Variants in LPXN observed in about 807,000 individuals in gnomAD.
LPXN encodes the protein leupaxin.
LPXN carries 28 observed loss-of-function variants against 45.6 expected under a neutral mutation model. The observed-to-expected ratio is 0.61, with a 90% confidence interval of 0.45 to 0.84. The LOEUF (loss-of-function observed/expected upper bound fraction) is 0.84, where lower values mean the gene tolerates loss of function less well. LPXN is among the 40% of genes least tolerant of loss of function. The pLI is 0.00. For missense variants in LPXN, 459 were observed against 475.0 expected, an observed-to-expected ratio of 0.97 and a Z score of 0.31; for synonymous variants, 166 against 169.9, an observed-to-expected ratio of 0.98 and a Z score of 0.18.
chr11:58,556,737 C>T (rs1359644164), intron 3 of LPXN, among the ~76,000 whole-genome samples: 1 of 151,638 alleles, frequency 6.6e-6, no homozygotes, highest in Non-Finnish European at 1.5e-5. Flanking sequence ...TTTGAAAATC[C>T]AATGCGAAAA....
Position 58,549,847 on chromosome 11 carries a change from G to A in LPXN, c.681C>T (p.Asn227=). 6.2e-7 allele frequency: 1 copy of A among 1,614,162 alleles called. No individual in the cohort carries two copies. The change falls in exon 7 of 9, where the codon AAC becomes AAT. Residue 227 remains asparagine (N), a synonymous_variant. Transcript: ENST00000395074. ...PILDKVLTAM[N]QTWHPEHFFC... is the part of the protein sequence containing the mutation. ...AGAAGTGCTCTGGGTGCCAGGTCTG[G>A]TTCATTGCTGTCAGCACTTTCTGGA...
intron 7 of LPXN, among the ~76,000 whole-genome samples, chr11:58,538,536 T>C (rs1853622724): frequency 6.6e-6 from 1 of 152,168 alleles, no homozygotes; most frequent in African/African-American, 2.4e-5. Context: ...ATGGTGAGCA[T>C]TTTTTCATGT....
At chr11:58,538,774 A>G (rs573941802) in intron 7 of LPXN, among the ~76,000 whole-genome samples, 1 of 149,662 alleles carries the variant, frequency 6.7e-6, no homozygotes, top group South Asian at 2.1e-4. Flanking sequence ...ATAATACAAT[A>G]TATATACACA....
chr11:58,529,859 C>T (rs974511437), intron 7 of LPXN, among the ~76,000 whole-genome samples: 1 of 152,096 alleles, frequency 6.6e-6, no homozygotes, highest in African/African-American at 2.4e-5. Flanking sequence ...TGAGACTGAT[C>T]GGACAGTGGG....
chr11:58,577,840 G>A (rs537863930), upstream of LPXN: 22 of 595,616 alleles, frequency 3.7e-5, 1 homozygote, highest in Non-Finnish European at 5.8e-5. Flanking sequence ...AACCGACGCC[G>A]GCTCCTTGGT....
chr11:58,545,256 AGCTACCTTAATGGT>A (rs1332803739), intron 7 of LPXN, among the ~76,000 whole-genome samples: 4 of 152,210 alleles, frequency 2.6e-5, no homozygotes, highest in Non-Finnish European at 4.4e-5. Context: ...AATGAGAACT[AGCTACCTTAATGGT>A]GCTTTCTGGT....
chr11:58,550,725 G>A (rs1328990437), intron 5 of LPXN, among the ~76,000 whole-genome samples: 1 of 152,162 alleles, frequency 6.6e-6, no homozygotes, highest in Non-Finnish European at 1.5e-5. Context: ...AGTAAAGGCA[G>A]TACAGAAAAA....
intron 1 of LPXN, among the ~76,000 whole-genome samples, 197 bp downstream of exon 1, chr11:58,575,563 A>G (rs1854859066): frequency 6.6e-6 from 1 of 152,238 alleles, no homozygotes; most frequent in African/African-American, 2.4e-5. Flanking sequence ...TTGCCACTGC[A>G]AACAGTGAAC....
At chr11:58,578,029 G>A, upstream of LPXN, 3 of 1,551,032 alleles carry the variant, frequency 1.9e-6, no homozygotes, top group Non-Finnish European at 2.6e-6. Flanking sequence ...CGGAAGACGA[G>A]ATCAATAATG....
At chr11:58,564,092 A>T in intron 3 of LPXN, 63 bp downstream of exon 3, 1 of 1,021,178 alleles carries the variant, frequency 9.8e-7, no homozygotes, top group Non-Finnish European at 1.5e-6. Flanking sequence ...CACCCAAACA[A>T]AGATTGATAA....
At chr11:58,542,161 G>A (rs1327626457) in intron 7 of LPXN, among the ~76,000 whole-genome samples, 1 of 151,600 alleles carries the variant, frequency 6.6e-6, no homozygotes, top group African/African-American at 2.4e-5. Context: ...TGCACATTGT[G>A]CACATGTACC....
At chr11:58,567,666 A>G (rs1349377030) in intron 2 of LPXN, among the ~76,000 whole-genome samples, 2 of 152,232 alleles carry the variant, frequency 1.3e-5, no homozygotes, top group Non-Finnish European at 2.9e-5. Flanking sequence ...AATAGATGCC[A>G]AAGCTGCTTC....
chr11:58,553,335 C>CAA lies in LPXN; in HGVS notation c.318+1504_318+1505dup, dbSNP rs35629114. 3.1e-3 allele frequency among the ~76,000 whole-genome samples: 209 copies of CAA among 67,670 alleles called. 2 individuals carry two copies. Among genetic ancestry groups the CAA allele is most frequent in the Non-Finnish European group, 3.6e-3 (131 of 36,752 alleles). 44.4% of individuals were successfully genotyped at this position (67,670 alleles called of 152,430 possible). ...TGGGTAACCGAGTAAGAATCTGTCT[C>CAA]AAAAAAAAAAAAAAAAAAAAAGATG... is the stretch of plus-strand genomic sequence containing the variant. On this transcript the variant is annotated intron_variant, in intron 4 of 8. Coordinates refer to ENST00000395074, the MANE Select transcript of LPXN (RefSeq NM_004811.3).
At chr11:58,552,632 C>A (rs998761441) in intron 4 of LPXN, among the ~76,000 whole-genome samples, 5 of 152,194 alleles carry the variant, frequency 3.3e-5, no homozygotes, top group African/African-American at 1.2e-4. Flanking sequence ...CTCTACTTAT[C>A]CTACTTTTAC....
chr11:58,549,679 G>C (rs754702015), intron 7 of LPXN, 107 bp downstream of exon 7: 4 of 819,402 alleles, frequency 4.9e-6, no homozygotes, highest in Non-Finnish European at 8.1e-6. Context: ...TGGGCACTTT[G>C]ATAGTACTGA....
At chr11:58,539,197 C>A (rs1057312017) in intron 7 of LPXN, among the ~76,000 whole-genome samples, 1 of 152,150 alleles carries the variant, frequency 6.6e-6, no homozygotes, top group African/African-American at 2.4e-5. Context: ...GTAGTGCCAG[C>A]TACTCAGAAG....
intron 7 of LPXN, among the ~76,000 whole-genome samples, chr11:58,531,408 C>T (rs1048828799): frequency 6.6e-6 from 1 of 151,576 alleles, no homozygotes; most frequent in African/African-American, 2.4e-5. Context: ...CTTTGTGAAG[C>T]ATACACAAGT....
chr11:58,558,153 A>G (rs1260740590), intron 3 of LPXN, among the ~76,000 whole-genome samples: 1 of 151,556 alleles, frequency 6.6e-6, no homozygotes, highest in Non-Finnish European at 1.5e-5. Flanking sequence ...TATAAAAATT[A>G]AAAGTTGTAA....
upstream of LPXN, chr11:58,577,924 T>C (rs1854953427): frequency 3.6e-6 from 5 of 1,390,980 alleles, 1 homozygote; most frequent in South Asian, 6.5e-5. Context: ...AACTGAGTAG[T>C]GGGCCTTGTG....
Sources: allele counts gnomAD v4.1 joint callset (sites outside exome capture counted in the v4.1 genomes callset), GRCh38; gene constraint gnomAD v4.1.1; transcripts MANE v1.5; gene names NCBI Gene and HGNC (gene_info 2026-07-23, HGNC 2026-07-21).